The following GRHL2 variants were observed in gnomAD, a reference collection of about 807,000 sequenced individuals.
The protein encoded by GRHL2 is grainyhead like transcription factor 2.
In GRHL2, 21 loss-of-function variants were observed where a neutral mutation model predicts 83.8. That is an observed-to-expected ratio of 0.25 (90% CI 0.18 to 0.36). The LOEUF (loss-of-function observed/expected upper bound fraction) is 0.36. Ranked by LOEUF, GRHL2 falls within the 10% of genes least tolerant of loss-of-function variation. The probability of loss-of-function intolerance (pLI) is 1.00; values close to 1 mark genes in which losing one functional copy is unlikely to be tolerated. For missense variants in GRHL2, 623 were observed against 781.8 expected (o/e 0.80, Z 2.42); for synonymous variants, 280 against 278.9 (o/e 1.00, Z -0.04).
chr8:101,554,203 C>T lies in GRHL2; in HGVS notation c.284+1421C>T, dbSNP rs140092773. ...CCCAGCAGAACATGAAGGCTGCCTG[C>T]ATCTGAGTCACTGTTCCATTAGGGA... On this transcript the variant is annotated intron_variant, in intron 3 of 15. Transcript: ENST00000646743. Among the ~76,000 whole-genome samples the T allele has an allele frequency of 6.8e-3, 1,042 of 152,320 alleles. 53 individuals are homozygous for T. Among genetic ancestry groups the T allele is most frequent in the Admixed American group, 0.063 (961 of 15,300 alleles).
intron 15 of GRHL2, among the ~76,000 whole-genome samples, 188 bp from the exon 16 acceptor site, chr8:101,666,401 C>CAAACT (rs1245607755): frequency 1.3e-5 from 2 of 152,112 alleles, no homozygotes; most frequent in Non-Finnish European, 2.9e-5. Flanking sequence ...TTGCTTTCCT[C>CAAACT]AAACTAGTTT....
rs1813202280 is a variant in GRHL2 at position 101,632,326 on chromosome 8, A to G, written c.1446A>G (p.Ile482Met). 5 of 1,613,996 alleles carry G rather than the reference A, an allele frequency of 3.1e-6. No homozygotes were observed. The highest frequency in any genetic ancestry group is 2.2e-5 in the East Asian group (1 of 44,872). Residue 482 changes from isoleucine (I) to methionine (M), a missense_variant, in exon 11 of 16, where the codon ATA becomes ATG. Physicochemically the swap from Ile to Met is conservative, Grantham distance 10. Coordinates refer to ENST00000646743, the MANE Select transcript of GRHL2 (RefSeq NM_024915.4). ...PDLHSQPVLFIPDVHFANLQR... is the reference protein window; with the variant it reads ...PDLHSQPVLFMPDVHFANLQR... ...TCCACTCACAGCCAGTTCTCTTCAT[A>G]CCTGATGTTCACTTTGCAAACCTGC...
intron 5 of GRHL2, among the ~76,000 whole-genome samples, chr8:101,571,891 T>A (rs184790554): frequency 6.6e-6 from 1 of 152,156 alleles, no homozygotes; most frequent in African/African-American, 2.4e-5. Flanking sequence ...CAAAGCACCA[T>A]GTCAGCAGCT....
chr8:101,619,510 T>G, intron 8 of GRHL2, 29 bp from the exon 9 acceptor site: 1 of 1,610,238 alleles, frequency 6.2e-7, no homozygotes, highest in Non-Finnish European at 8.5e-7. Flanking sequence ...TATGTTGACT[T>G]GTGAACTTTT....
At chr8:101,635,305 GT>G (rs1207540358) in intron 11 of GRHL2, among the ~76,000 whole-genome samples, 1 of 152,138 alleles carries the variant, frequency 6.6e-6, no homozygotes, top group Non-Finnish European at 1.5e-5. Context: ...AATTAAGTTA[GT>G]GCAATGGGCC....
At chr8:101,575,503 CTCTT>C (rs1418335250) in intron 6 of GRHL2, among the ~76,000 whole-genome samples, 1 of 152,270 alleles carries the variant, frequency 6.6e-6, no homozygotes, top group South Asian at 2.1e-4. Flanking sequence ...CTCAGAGTGG[CTCTT>C]TCTTACTCCC....
rs771592503 is a variant in GRHL2, at chr8:101,570,387, A to G, written c.727A>G (p.Thr243Ala). ...GGCTGAGGAGTACATGTATGATCAG[A>G]CATCAAGGTGAGTTACCAGGAGATG... Reference protein sequence around the residue: ...VGAEEYMYDQTSSGTFQYTLE... With the variant: ...VGAEEYMYDQASSGTFQYTLE... Residue 243 changes from threonine (T) to alanine (A), a missense_variant, in exon 5 of 16, where the codon ACA (threonine) becomes GCA (alanine). By Grantham distance (58) the Thr-to-Ala change is moderately conservative. Coordinates refer to ENST00000646743, the MANE Select transcript of GRHL2 (RefSeq NM_024915.4). 146 of 1,613,642 alleles carry G rather than the reference A, an allele frequency of 9.0e-5. No individual in the cohort carries two copies. Among genetic ancestry groups the G allele is most frequent in the Non-Finnish European group, 1.2e-4 (145 of 1,179,646 alleles).
intron 8 of GRHL2, among the ~76,000 whole-genome samples, chr8:101,605,578 A>C (rs1812616757): frequency 6.6e-6 from 1 of 152,178 alleles, no homozygotes; most frequent in African/African-American, 2.4e-5. Flanking sequence ...TCCTCACGCC[A>C]CACTTTCTCC....
chr8:101,581,938 CA>C lies in GRHL2; in HGVS notation c.1003+4426del, dbSNP rs368908029. On this transcript the variant is annotated intron_variant, in intron 7 of 15. Transcript: ENST00000646743. ...ACATTCATAGATACAGTAATCAAGA[CA>C]AAAAAAGTGGGACTGAAGCTGGGCG... 5.9e-5 allele frequency among the ~76,000 whole-genome samples: 9 copies of C among 152,146 alleles called. No individual in the cohort carries two copies. The East Asian group carries it at 1.5e-3, about 26-fold the overall frequency.
In GRHL2 at chr8:101,595,172, T is replaced by C. The variant is rs566775196; in HGVS notation, c.1004-3885T>C. 2.0e-5 allele frequency among the ~76,000 whole-genome samples: 3 copies of C among 152,326 alleles called. No homozygotes were observed. The South Asian group carries it at 6.2e-4, about 32-fold the overall frequency. On this transcript the variant is annotated intron_variant, in intron 7 of 15. Coordinates refer to ENST00000646743, the MANE Select transcript of GRHL2 (RefSeq NM_024915.4). ...GCACATAGAGGGCTCACAGTAAATA[T>C]TTCCTCAATACATTTGTTGATTAAG...
intron 14 of GRHL2, among the ~76,000 whole-genome samples, chr8:101,659,948 G>A (rs1813883185): frequency 6.6e-6 from 1 of 152,146 alleles, no homozygotes; most frequent in South Asian, 2.1e-4. Flanking sequence ...CTGCTATACA[G>A]CCAGGGTTAC....
intron 7 of GRHL2, among the ~76,000 whole-genome samples, chr8:101,592,556 G>C: frequency 6.6e-6 from 1 of 152,158 alleles, no homozygotes; most frequent in Non-Finnish European, 1.5e-5. Flanking sequence ...CTCTACCTGA[G>C]ACCTTGCTAG....
chr8:101,548,061 C>G (rs868562546), intron 2 of GRHL2, among the ~76,000 whole-genome samples: 1 of 152,186 alleles, frequency 6.6e-6, no homozygotes, highest in African/African-American at 2.4e-5. Context: ...ATAGGCTTCC[C>G]TGGTCAGTTG....
chr8:101,639,290 A>G (rs1353685014), intron 12 of GRHL2, among the ~76,000 whole-genome samples: 1 of 148,972 alleles, frequency 6.7e-6, no homozygotes, highest in East Asian at 1.9e-4. Context: ...TGACATGAAC[A>G]GCATTGGAAC....
At chr8:101,593,646 C>T (rs943269993) in intron 7 of GRHL2, among the ~76,000 whole-genome samples, 2 of 152,154 alleles carry the variant, frequency 1.3e-5, no homozygotes, top group African/African-American at 2.4e-5. Flanking sequence ...CTCGTCCTAA[C>T]TCCCAGAACC....
At chr8:101,534,847 G>A (rs1386902020) in intron 1 of GRHL2, among the ~76,000 whole-genome samples, 2 of 152,178 alleles carry the variant, frequency 1.3e-5, no homozygotes. Context: ...AAGGCTGAGG[G>A]CAGATAAGGA....
At chr8:101,582,335 A>G (rs189712531) in intron 7 of GRHL2, among the ~76,000 whole-genome samples, 5 of 152,160 alleles carry the variant, frequency 3.3e-5, no homozygotes, top group Admixed American at 2.0e-4. Flanking sequence ...CACGCTAGTG[A>G]GAGTGCTAGT....
intron 1 of GRHL2, among the ~76,000 whole-genome samples, chr8:101,515,968 G>A (rs992311086): frequency 8.5e-5 from 13 of 152,182 alleles, no homozygotes; most frequent in Non-Finnish European, 1.3e-4. Flanking sequence ...AAATGGGAGC[G>A]CAGGTTGGCT....
rs115063994 is a variant in GRHL2 at position 101,592,506 on chromosome 8, C to T, written c.1004-6551C>T. Among the ~76,000 whole-genome samples, 887 of 152,272 alleles carry T rather than the reference C, an allele frequency of 5.8e-3. 10 individuals carry two copies. The highest frequency in any genetic ancestry group is 0.02 in the African/African-American group (818 of 41,536). On this transcript the variant is annotated intron_variant, in intron 7 of 15. Transcript: ENST00000646743. ...TTATTTTGGCATTTCCATTTGCCAT[C>T]GAACAATATTAAGTGTGGTCCCCAG... is the stretch of plus-strand genomic sequence containing the variant.
Sources: gnomAD v4.1 joint callset for allele counts (sites outside exome capture counted in the v4.1 genomes callset) on GRCh38, gnomAD v4.1.1 for gene constraint, MANE v1.5 for transcripts, NCBI Gene and HGNC (gene_info 2026-07-23, HGNC 2026-07-21) for gene names.